RGL1: variants seen among roughly 807,000 people sequenced by gnomAD.
RGL1 encodes ral guanine nucleotide dissociation stimulator-like 1.
Under a neutral mutation model 95.2 loss-of-function variants are expected in RGL1, and 24 were observed. That is an observed-to-expected ratio of 0.25 (90% CI 0.18 to 0.35). The LOEUF is 0.35. Ranked by LOEUF, RGL1 falls within the 10% of genes least tolerant of loss-of-function variation. RGL1 has a pLI of 1.00. For missense variants in RGL1, 715 were observed against 936.3 expected, an observed-to-expected ratio of 0.76 and a Z score of 3.08; for synonymous variants, 329 against 344.9, an observed-to-expected ratio of 0.95 and a Z score of 0.51.
chr1:183,747,217 T>C (rs1479721864), intron 2 of RGL1, among the ~76,000 whole-genome samples: 3 of 152,224 alleles, frequency 2.0e-5, no homozygotes, highest in Non-Finnish European at 4.4e-5. Flanking sequence ...TCTAGATCCT[T>C]GAGGAATCAC....
chr1:183,819,599 T>A (rs548711604), intron 2 of RGL1, among the ~76,000 whole-genome samples: 1 of 152,268 alleles, frequency 6.6e-6, no homozygotes. Context: ...TTCATTTACA[T>A]TGTCCCAAAT....
chr1:183,832,287 G>C (rs1455232978), intron 2 of RGL1, among the ~76,000 whole-genome samples: 1 of 152,220 alleles, frequency 6.6e-6, no homozygotes, highest in Non-Finnish European at 1.5e-5. Flanking sequence ...GGGTCATTAA[G>C]TCAGAGGCTA....
intron 2 of RGL1, among the ~76,000 whole-genome samples, chr1:183,835,531 C>T (rs1663587152): frequency 6.6e-6 from 1 of 152,142 alleles, no homozygotes; most frequent in Non-Finnish European, 1.5e-5. Context: ...GTCATTCATC[C>T]ATCTTTCTTA....
Position 183,883,696 on chromosome 1 carries a change from C to T in RGL1, c.611-90C>T, listed in dbSNP as rs530992347. ...GCTGTTCTGGAGGATTGGCCCTCTT[C>T]TTCCTAAACAAGGAGTAAAGTCTGA... On this transcript the variant is annotated intron_variant, in intron 5 of 17. Transcript: ENST00000360851. 2.0e-5 allele frequency: 29 copies of T among 1,466,162 alleles called. 1 individual carries two copies. In the African/African-American group the frequency reaches 2.7e-4, roughly 13 times the overall value. The allele number at this position is 1,466,162 out of a possible 1,614,324, so 90.8% of individuals were successfully genotyped here.
intron 16 of RGL1, among the ~76,000 whole-genome samples, chr1:183,917,094 G>A (rs910910549): frequency 2.0e-5 from 3 of 152,078 alleles, no homozygotes; most frequent in African/African-American, 7.2e-5. Context: ...TTATATGTCT[G>A]GTTTTATCAT....
intron 1 of RGL1, among the ~76,000 whole-genome samples, chr1:183,663,852 G>A (rs894641784): frequency 2.0e-5 from 3 of 151,190 alleles, no homozygotes; most frequent in Admixed American, 2.0e-4. Context: ...AGAAAATGTG[G>A]CACATATACA....
chr1:183,729,936 A>C, intron 1 of RGL1, among the ~76,000 whole-genome samples: 1 of 152,194 alleles, frequency 6.6e-6, no homozygotes, highest in African/African-American at 2.4e-5. Context: ...TACAGAAAGC[A>C]GGTTCATGGT....
chr1:183,852,538 G>T (rs1429348585), intron 3 of RGL1, among the ~76,000 whole-genome samples: 1 of 152,146 alleles, frequency 6.6e-6, no homozygotes. Context: ...ATCTGGCCAG[G>T]CGTGGTGGCT....
chr1:183,712,825 G>A (rs191262023), intron 1 of RGL1, among the ~76,000 whole-genome samples: 17 of 152,224 alleles, frequency 1.1e-4, no homozygotes, highest in Non-Finnish European at 2.2e-4. Context: ...ATGTTTTGTG[G>A]CATTCTTATA....
rs142554209 is a variant in RGL1, at chr1:183,763,728, T to C, written c.132+21439T>C. On this transcript the variant is annotated intron_variant, in intron 2 of 18. Coordinates refer to the RGL1 transcript ENST00000304685. ...ACACTAATAGGATTGTTATGAGAAT[T>C]AATTGAGTTATAATATGTAAATTGC... Among the ~76,000 whole-genome samples, 3 of 152,352 alleles carry C rather than the reference T, an allele frequency of 2.0e-5. No individual in the cohort carries two copies. In the East Asian group the frequency reaches 5.8e-4, roughly 29 times the overall value.
intron 4 of RGL1, among the ~76,000 whole-genome samples, chr1:183,875,415 G>A (rs576468187): frequency 5.3e-5 from 8 of 152,240 alleles, no homozygotes; most frequent in Admixed American, 3.9e-4. Context: ...TGTGATTTGC[G>A]CATAATCGCT....
chr1:183,655,475 G>A (rs935585630), intron 1 of RGL1, among the ~76,000 whole-genome samples: 2 of 152,210 alleles, frequency 1.3e-5, no homozygotes, highest in Non-Finnish European at 2.9e-5. Context: ...AACAAACTAC[G>A]TGATAAAAGG....
intron 1 of RGL1, among the ~76,000 whole-genome samples, chr1:183,673,176 C>T (rs1025102535): frequency 2.0e-5 from 3 of 152,134 alleles, no homozygotes; most frequent in Non-Finnish European, 2.9e-5. Flanking sequence ...GTTTTTAAAA[C>T]CTCACAGTCA....
At chr1:183,704,436 C>G (rs539323734) in intron 1 of RGL1, among the ~76,000 whole-genome samples, 2 of 151,976 alleles carry the variant, frequency 1.3e-5, no homozygotes, top group South Asian at 4.2e-4. Context: ...GGAGGTGGTT[C>G]TTAGAGGGAG....
At position 183,867,635 on chromosome 1, in the gene RGL1, T is replaced by C. The variant is rs142504919; in HGVS notation, c.425+1562T>C. ...GATGGAAGATGGGTTTTTTTTTTGG[T>C]TGTATATGTGTTTTTTAAAAGATGG... On this transcript the variant is annotated intron_variant, in intron 4 of 17. Transcript: ENST00000360851. 1.4e-3 allele frequency among the ~76,000 whole-genome samples: 219 copies of C among 151,398 alleles called. 2 individuals are homozygous for C. Among genetic ancestry groups the C allele is most frequent in the Middle Eastern group, 0.01 (3 of 294 alleles).
chr1:183,919,761 A>T (rs1314280512), intron 16 of RGL1, among the ~76,000 whole-genome samples: 1 of 152,174 alleles, frequency 6.6e-6, no homozygotes, highest in Non-Finnish European at 1.5e-5. Context: ...GATCCCTTAC[A>T]CAGGGAATGC....
At chr1:183,681,782 T>A (rs116426628) in intron 1 of RGL1, among the ~76,000 whole-genome samples, 1,975 of 152,288 alleles carry the variant, frequency 0.013, 51 homozygotes, top group African/African-American at 0.046. Context: ...CTGGTAGAAT[T>A]TGGCTGTGAA....
chr1:183,720,612 A>C (rs189475998), intron 1 of RGL1, among the ~76,000 whole-genome samples: 45 of 152,340 alleles, frequency 3.0e-4, no homozygotes, highest in African/African-American at 1.0e-3. Flanking sequence ...GTTTATTGAC[A>C]GTCTTCCTTC....
intron 1 of RGL1, among the ~76,000 whole-genome samples, chr1:183,664,069 G>C (rs938911724): frequency 9.5e-6 from 1 of 105,030 alleles, no homozygotes; most frequent in Non-Finnish European, 1.8e-5. Flanking sequence ...GTTGTGGGGT[G>C]GGGGGAGGGG....
Sources: allele counts gnomAD v4.1 joint callset (sites outside exome capture counted in the v4.1 genomes callset), GRCh38; gene constraint gnomAD v4.1.1; transcripts MANE v1.5; gene names NCBI Gene and HGNC (gene_info 2026-07-23, HGNC 2026-07-21).